DOK5: variants seen among roughly 807,000 people sequenced by gnomAD.
The protein encoded by DOK5 is downstream of tyrosine kinase 5.
In DOK5, 27 loss-of-function variants were observed where a neutral mutation model predicts 43.3. The ratio of observed to expected loss-of-function variants is 0.62; its 90% CI spans 0.46 to 0.86. DOK5 has a LOEUF of 0.86. DOK5 is among the 40% of genes least tolerant of loss of function. DOK5 has a pLI of 0.00. For missense variants in DOK5, 373 were observed against 392.9 expected, an observed-to-expected ratio of 0.95 and a Z score of 0.43; for synonymous variants, 146 against 140.1, an observed-to-expected ratio of 1.04 and a Z score of -0.30.
At position 54,476,008 on chromosome 20, in the gene DOK5, T is replaced by C; in HGVS notation, c.62T>C (p.Leu21Pro). Residue 21 changes from leucine (L) to proline (P), a missense_variant, in exon 1 of 8, where the codon CTC becomes CCC. Transcript: ENST00000262593. The stretch of plus-strand genomic sequence containing the variant: ...TACGTGAGGATCCGGAGCAGACGCC[T>C]CGGGGTGAGTATCGATCCTCTCCGT... ...QGYVRIRSRR[L>P]GIYQRCWLVF... is the part of the protein sequence containing the mutation. 6.2e-7 allele frequency: 1 copy of C among 1,613,322 alleles called. No individual in the cohort carries two copies. Among genetic ancestry groups the C allele is most frequent in the Non-Finnish European group, 8.5e-7 (1 of 1,179,910 alleles).
At chr20:54,480,995 TATCTATCATCTATC>T (rs1319946307) in intron 1 of DOK5, among the ~76,000 whole-genome samples, 28 of 139,794 alleles carry the variant, frequency 2.0e-4, no homozygotes, top group African/African-American at 6.8e-4. Flanking sequence ...ATCTATCATC[TATCTATCATCTATC>T]ATCTATCTAT....
chr20:54,639,764 G>A (rs555556834), intron 6 of DOK5, among the ~76,000 whole-genome samples: 11 of 152,218 alleles, frequency 7.2e-5, no homozygotes, highest in South Asian at 2.1e-4. Context: ...CAATTTTCCC[G>A]TAGGCTGATT....
At chr20:54,616,189 CTTGCA>C (rs1986802363) in intron 6 of DOK5, among the ~76,000 whole-genome samples, 1 of 152,164 alleles carries the variant, frequency 6.6e-6, no homozygotes, top group African/African-American at 2.4e-5. Flanking sequence ...CATGAAAACT[CTTGCA>C]TTGAAGACCC....
At chr20:54,483,277 T>G (rs1247241615) in intron 1 of DOK5, among the ~76,000 whole-genome samples, 1 of 152,266 alleles carries the variant, frequency 6.6e-6, no homozygotes, top group Non-Finnish European at 1.5e-5. Flanking sequence ...GAAATATTTA[T>G]TTTTAAAGCA....
chr20:54,533,172 G>A (rs1483343072), intron 1 of DOK5, among the ~76,000 whole-genome samples: 1 of 152,068 alleles, frequency 6.6e-6, no homozygotes, highest in East Asian at 1.9e-4. Flanking sequence ...CTTTGGTGGG[G>A]GCTGTTTTGT....
chr20:54,490,352 G>C (rs539551848), intron 1 of DOK5, among the ~76,000 whole-genome samples: 103 of 152,004 alleles, frequency 6.8e-4, no homozygotes, highest in African/African-American at 2.4e-3. Context: ...ATATACATAC[G>C]TATATACATA....
At chr20:54,522,094 C>T (rs1983419039) in intron 1 of DOK5, among the ~76,000 whole-genome samples, 3 of 152,214 alleles carry the variant, frequency 2.0e-5, no homozygotes, top group Admixed American at 2.0e-4. Context: ...GCACCCCAAG[C>T]AGTGCCTAAT....
Position 54,616,624 on chromosome 20 carries a change from C to G in DOK5, c.735+6101C>G, listed in dbSNP as rs78823248. Among the ~76,000 whole-genome samples the G allele has an allele frequency of 4.3e-3, 656 of 152,142 alleles. 4 individuals are homozygous for G. Among genetic ancestry groups the G allele is most frequent in the African/African-American group, 0.015 (630 of 41,484 alleles). The stretch of plus-strand genomic sequence containing the variant: ...AACTATGCACCATTAAAACAACATC[C>G]ATTTATTATTTCACAGTTTCTGTGG... On this transcript the variant is annotated intron_variant, in intron 6 of 7. Coordinates refer to ENST00000262593, the MANE Select transcript of DOK5 (RefSeq NM_018431.5).
chr20:54,567,505 C>A lies in DOK5; in HGVS notation c.174+12465C>A, dbSNP rs185949218. ...ATTATTTGGGCATATTTATGTGAGT[C>A]TGTTCCTAGATTCTCTATTCTTTTC... On this transcript the variant is annotated intron_variant, in intron 2 of 7. Transcript: ENST00000262593. Among the ~76,000 whole-genome samples the A allele has an allele frequency of 3.5e-3, 530 of 152,178 alleles. 2 individuals carry two copies. Among genetic ancestry groups the A allele is most frequent in the Non-Finnish European group, 5.6e-3 (381 of 67,978 alleles).
intron 2 of DOK5, among the ~76,000 whole-genome samples, chr20:54,563,535 A>G (rs1008719491): frequency 6.6e-6 from 1 of 152,164 alleles, no homozygotes; most frequent in African/African-American, 2.4e-5. Flanking sequence ...TGGAACATTC[A>G]ATAACATGGT....
At chr20:54,624,357 G>A (rs1987075060) in intron 6 of DOK5, among the ~76,000 whole-genome samples, 1 of 152,142 alleles carries the variant, frequency 6.6e-6, no homozygotes, top group Non-Finnish European at 1.5e-5. Context: ...TTTAAAAGCT[G>A]ACCTCTGAGT....
chr20:54,522,042 G>T (rs1192029001), intron 1 of DOK5, among the ~76,000 whole-genome samples: 1 of 152,150 alleles, frequency 6.6e-6, no homozygotes. Flanking sequence ...TAGCTCTACA[G>T]AAACAAGTCA....
intron 1 of DOK5, among the ~76,000 whole-genome samples, chr20:54,478,610 T>C (rs6023272): frequency 0.18 from 26,658 of 152,170 alleles, 3,657 homozygotes; most frequent in African/African-American, 0.38. Context: ...AAACATTTCA[T>C]GGTAAGCAGC....
chr20:54,590,969 G>A (rs747764997), intron 4 of DOK5, among the ~76,000 whole-genome samples: 3 of 152,156 alleles, frequency 2.0e-5, no homozygotes, highest in Non-Finnish European at 4.4e-5. Context: ...AATAATTTTG[G>A]TTGCATTTTA....
At chr20:54,540,752 G>A (rs1275007421) in intron 1 of DOK5, among the ~76,000 whole-genome samples, 4 of 151,968 alleles carry the variant, frequency 2.6e-5, no homozygotes, top group Admixed American at 2.0e-4. Context: ...TTGAACTCCT[G>A]GCCTCCTGCA....
chr20:54,532,790 C>T (rs529044273), intron 1 of DOK5, among the ~76,000 whole-genome samples: 7 of 152,282 alleles, frequency 4.6e-5, no homozygotes, highest in East Asian at 1.9e-4. Context: ...CAGAGACCTG[C>T]GATCTGAGTG....
intron 2 of DOK5, among the ~76,000 whole-genome samples, chr20:54,558,849 G>A (rs1015481747): frequency 9.9e-5 from 15 of 152,062 alleles, no homozygotes; most frequent in Non-Finnish European, 1.3e-4. Flanking sequence ...CTTTTTAGAA[G>A]TTTCAACACA....
chr20:54,503,472 A>C (rs1982687121), intron 1 of DOK5, among the ~76,000 whole-genome samples: 1 of 151,656 alleles, frequency 6.6e-6, no homozygotes, highest in Admixed American at 6.5e-5. Flanking sequence ...TTTTTAAAAA[A>C]ATGGAAAAGT....
chr20:54,497,533 G>A (rs1982447515), intron 1 of DOK5, among the ~76,000 whole-genome samples: 1 of 152,168 alleles, frequency 6.6e-6, no homozygotes, highest in South Asian at 2.1e-4. Flanking sequence ...CCACTAATGA[G>A]TTTGAGGTTT....
Sources: allele counts gnomAD v4.1 joint callset (sites outside exome capture counted in the v4.1 genomes callset), GRCh38; gene constraint gnomAD v4.1.1; transcripts MANE v1.5; gene names NCBI Gene and HGNC (gene_info 2026-07-23, HGNC 2026-07-21).